The following SYT1 variants were observed in gnomAD, a reference collection of about 807,000 sequenced individuals.
SYT1 encodes synaptotagmin 1.
In SYT1, 8 loss-of-function variants were observed where a neutral mutation model predicts 44.8. The ratio of observed to expected loss-of-function variants is 0.18; its 90% CI spans 0.10 to 0.32. The LOEUF is 0.32. Among genes scored for constraint, SYT1 ranks in the 10% least tolerant of loss-of-function variants. The pLI, the probability that SYT1 is intolerant of heterozygous loss-of-function variation, is 1.00. For missense variants in SYT1, 286 were observed against 509.3 expected, an observed-to-expected ratio of 0.56 and a Z score of 4.22; for synonymous variants, 154 against 188.8, an observed-to-expected ratio of 0.82 and a Z score of 1.51.
intron 9 of SYT1, among the ~76,000 whole-genome samples, chr12:79,438,409 G>A (rs1870215070): frequency 6.6e-6 from 1 of 152,142 alleles, no homozygotes; most frequent in South Asian, 2.1e-4. Context: ...CTAGATCAAC[G>A]TGCTAGGTAC....
At chr12:78,916,869 T>C (rs1374455964) in intron 1 of SYT1, among the ~76,000 whole-genome samples, 1 of 152,010 alleles carries the variant, frequency 6.6e-6, no homozygotes, top group Non-Finnish European at 1.5e-5. Context: ...CACAGATTCA[T>C]TTCTTTTTTA....
rs142827371 is a variant in SYT1, at chr12:79,369,236, C to A, written c.928+15617C>A. Among the ~76,000 whole-genome samples, 666 of 152,256 alleles carry A rather than the reference C, an allele frequency of 4.4e-3. 4 individuals carry two copies. The highest frequency in any genetic ancestry group is 0.03 in the South Asian group (143 of 4,824). ...GTGGCTCATCCCTGTAATCCCAGAA[C>A]TTTAGAAGGCTGAGGCAGGAGGATT... On this transcript the variant is annotated intron_variant, in intron 9 of 10. Coordinates refer to ENST00000261205, the MANE Select transcript of SYT1 (RefSeq NM_005639.3).
chr12:78,884,687 T>C (rs1042368284), intron 1 of SYT1, among the ~76,000 whole-genome samples: 2 of 151,262 alleles, frequency 1.3e-5, no homozygotes, highest in Non-Finnish European at 3.0e-5. Flanking sequence ...TTATATTTAA[T>C]ATATCTTTGG....
rs142844167 is a variant in SYT1, at chr12:78,930,177, AC to A, written c.-216-47621del. On this transcript the variant is annotated intron_variant, in intron 1 of 10. Transcript: ENST00000261205. The stretch of plus-strand genomic sequence containing the variant: ...TATAATAGATTTTAATGTCTTCACC[AC>A]AAAAAATCAGTTGCTGAGGTGATGA... 1.3e-3 allele frequency among the ~76,000 whole-genome samples: 196 copies of A among 152,314 alleles called. 3 individuals carry two copies. Among genetic ancestry groups the A allele is most frequent in the African/African-American group, 4.5e-3 (188 of 41,580 alleles).
chr12:79,416,947 T>C (rs549507853), intron 9 of SYT1, among the ~76,000 whole-genome samples: 1 of 152,198 alleles, frequency 6.6e-6, no homozygotes, highest in South Asian at 2.1e-4. Flanking sequence ...ATAGCAAAAA[T>C]ACAACGAAAA....
At chr12:79,039,442 T>A (rs984195585) in intron 2 of SYT1, among the ~76,000 whole-genome samples, 6 of 152,000 alleles carry the variant, frequency 3.9e-5, no homozygotes, top group African/African-American at 1.4e-4. Flanking sequence ...AATAATCCTT[T>A]GCTATGTTCA....
chr12:79,191,308 C>T (rs1316093310), intron 3 of SYT1, among the ~76,000 whole-genome samples: 1 of 151,982 alleles, frequency 6.6e-6, no homozygotes, highest in African/African-American at 2.4e-5. Context: ...TTCCTGATCT[C>T]TAAGTGTACA....
At chr12:79,388,113 G>A (rs1257049113) in intron 9 of SYT1, among the ~76,000 whole-genome samples, 1 of 152,098 alleles carries the variant, frequency 6.6e-6, no homozygotes, top group African/African-American at 2.4e-5. Context: ...AAACAGAAGG[G>A]CCTGTACATC....
chr12:78,868,250 T>C (rs1873644659), intron 1 of SYT1, among the ~76,000 whole-genome samples: 2 of 151,920 alleles, frequency 1.3e-5, no homozygotes, highest in African/African-American at 4.8e-5. Flanking sequence ...AGTTTGATTA[T>C]ATAATGGAAC....
intron 9 of SYT1, among the ~76,000 whole-genome samples, chr12:79,372,276 A>G (rs574511844): frequency 6.6e-6 from 1 of 152,352 alleles, no homozygotes; most frequent in African/African-American, 2.4e-5. Context: ...AGTTCACTTA[A>G]TCCCCAGTGT....
intron 4 of SYT1, among the ~76,000 whole-genome samples, chr12:79,249,502 C>T (rs1877069181): frequency 6.6e-6 from 1 of 152,128 alleles, no homozygotes; most frequent in African/African-American, 2.4e-5. Flanking sequence ...AGGACATACA[C>T]AACTCTATGG....
intron 9 of SYT1, among the ~76,000 whole-genome samples, chr12:79,422,531 G>GT (rs1320612731): frequency 6.6e-6 from 1 of 151,434 alleles, no homozygotes; most frequent in Non-Finnish European, 1.5e-5. Flanking sequence ...CAAAGCTATG[G>GT]TTAAAGAACT....
chr12:79,209,601 C>T (rs149178001), intron 3 of SYT1, among the ~76,000 whole-genome samples: 205 of 152,288 alleles, frequency 1.3e-3, no homozygotes, highest in African/African-American at 4.7e-3. Context: ...TAACCTTCAG[C>T]AAGGCAGCTG....
chr12:78,958,712 A>AC (rs966949218), intron 1 of SYT1, among the ~76,000 whole-genome samples: 18 of 151,614 alleles, frequency 1.2e-4, no homozygotes, highest in Non-Finnish European at 1.6e-4. Flanking sequence ...AAAAAAAAAA[A>AC]CTATGCATTA....
At chr12:78,909,097 T>G (rs533118642) in intron 1 of SYT1, among the ~76,000 whole-genome samples, 1 of 152,032 alleles carries the variant, frequency 6.6e-6, no homozygotes, top group East Asian at 1.9e-4. Context: ...TAATTGGCAT[T>G]GCACTGAGTA....
intron 4 of SYT1, among the ~76,000 whole-genome samples, chr12:79,272,022 T>G (rs1878452925): frequency 6.6e-6 from 1 of 152,202 alleles, no homozygotes; most frequent in Non-Finnish European, 1.5e-5. Flanking sequence ...TTTTAACAGA[T>G]GTATCCGATA....
intron 4 of SYT1, among the ~76,000 whole-genome samples, chr12:79,222,136 A>C (rs1216030126): frequency 6.6e-6 from 1 of 152,012 alleles, no homozygotes; most frequent in African/African-American, 2.4e-5. Flanking sequence ...CTGGCCTATA[A>C]AATTTCTGTT....
chr12:78,866,099 G>A (rs1873530246), intron 1 of SYT1, among the ~76,000 whole-genome samples: 1 of 152,120 alleles, frequency 6.6e-6, no homozygotes, highest in South Asian at 2.1e-4. Flanking sequence ...TGTACATGTT[G>A]ATATTCACTT....
chr12:79,240,770 G>A (rs1263091620), intron 4 of SYT1, among the ~76,000 whole-genome samples: 1 of 152,184 alleles, frequency 6.6e-6, no homozygotes, highest in Non-Finnish European at 1.5e-5. Flanking sequence ...ATTAGAAATT[G>A]CTAGCTTGAC....
Sources: allele counts gnomAD v4.1 joint callset (sites outside exome capture counted in the v4.1 genomes callset), GRCh38; gene constraint gnomAD v4.1.1; transcripts MANE v1.5; gene names NCBI Gene and HGNC (gene_info 2026-07-23, HGNC 2026-07-21).